The following UNC5D variants were observed in gnomAD, a reference collection of about 807,000 sequenced individuals.
UNC5D encodes the protein netrin receptor UNC5D.
A neutral mutation model predicts 105.4 loss-of-function variants in UNC5D; 39 were observed. The observed-to-expected ratio is 0.37, with a 90% CI of 0.29 to 0.48. The LOEUF (loss-of-function observed/expected upper bound fraction) is 0.48, where lower values mean the gene tolerates loss of function less well. UNC5D is among the 20% of genes least tolerant of loss of function. The pLI is 0.98. For synonymous variants in UNC5D, 452 were observed against 450.4 expected (o/e 1.00, Z -0.04); for missense variants, 991 against 1,202.4 (o/e 0.82, Z 2.60).
chr8:35,653,518 A>G (rs1823551882), intron 4 of UNC5D, among the ~76,000 whole-genome samples: 1 of 152,126 alleles, frequency 6.6e-6, no homozygotes, highest in Non-Finnish European at 1.5e-5. Context: ...GGATCACCAT[A>G]CTGTGTCAGA....
At chr8:35,463,618 C>CA (rs1189276180) in intron 1 of UNC5D, among the ~76,000 whole-genome samples, 4,227 of 109,754 alleles carry the variant, frequency 0.039, 86 homozygotes, top group Non-Finnish European at 0.056. Flanking sequence ...CTATCTCTAT[C>CA]AAAAAAAAAA....
At chr8:35,311,706 A>G (rs550132165) in intron 1 of UNC5D, among the ~76,000 whole-genome samples, 3 of 152,272 alleles carry the variant, frequency 2.0e-5, no homozygotes, top group Admixed American at 2.0e-4. Flanking sequence ...ACTAAATCAC[A>G]TCCTCAGCAG....
intron 2 of UNC5D, among the ~76,000 whole-genome samples, chr8:35,550,215 TA>T (rs1195147554): frequency 6.6e-6 from 1 of 152,172 alleles, no homozygotes; most frequent in Non-Finnish European, 1.5e-5. Flanking sequence ...TCCCCTGCAG[TA>T]GATAATGCTA....
intron 7 of UNC5D, among the ~76,000 whole-genome samples, chr8:35,692,822 G>A (rs1411282860): frequency 6.6e-6 from 1 of 152,196 alleles, no homozygotes; most frequent in Non-Finnish European, 1.5e-5. Flanking sequence ...TTAATTTATA[G>A]GACATAGTAG....
At chr8:35,509,840 T>C (rs559668103) in intron 1 of UNC5D, among the ~76,000 whole-genome samples, 1 of 152,166 alleles carries the variant, frequency 6.6e-6, no homozygotes, top group Admixed American at 6.5e-5. Flanking sequence ...CCTGACTATA[T>C]CCTGGGGTTC....
intron 3 of UNC5D, among the ~76,000 whole-genome samples, chr8:35,592,836 C>T (rs1196033225): frequency 6.6e-6 from 1 of 152,036 alleles, no homozygotes; most frequent in East Asian, 1.9e-4. Flanking sequence ...TGCCTTTAAT[C>T]TTTGTTCTTT....
intron 1 of UNC5D, among the ~76,000 whole-genome samples, chr8:35,490,754 G>A (rs904448773): frequency 3.9e-5 from 6 of 152,100 alleles, no homozygotes; most frequent in African/African-American, 1.4e-4. Context: ...CAAGCCTCTG[G>A]AAGAGCCAGT....
intron 1 of UNC5D, among the ~76,000 whole-genome samples, chr8:35,365,400 C>T (rs140088553): frequency 6.6e-6 from 1 of 151,836 alleles, no homozygotes; most frequent in East Asian, 1.9e-4. Flanking sequence ...TCTCTGTGAA[C>T]TAATATAGCA....
At chr8:35,592,456 CA>C (rs1819231273) in intron 3 of UNC5D, among the ~76,000 whole-genome samples, 1 of 152,072 alleles carries the variant, frequency 6.6e-6, no homozygotes, top group Admixed American at 6.6e-5. Flanking sequence ...GCTTGGAGCT[CA>C]TATAGGTGAT....
intron 1 of UNC5D, among the ~76,000 whole-genome samples, chr8:35,473,495 C>T (rs1329379978): frequency 6.6e-6 from 1 of 152,096 alleles, no homozygotes; most frequent in Non-Finnish European, 1.5e-5. Context: ...AATTGACACC[C>T]ATTATTAAAA....
At chr8:35,351,023 A>G (rs1188646673) in intron 1 of UNC5D, among the ~76,000 whole-genome samples, 1 of 152,228 alleles carries the variant, frequency 6.6e-6, no homozygotes, top group Non-Finnish European at 1.5e-5. Flanking sequence ...TCTAGTGAGA[A>G]TATTTCTTTC....
At chr8:35,707,356 T>C (rs866671455) in intron 8 of UNC5D, among the ~76,000 whole-genome samples, 7 of 152,218 alleles carry the variant, frequency 4.6e-5, no homozygotes, top group African/African-American at 7.2e-5. Context: ...CCCTGCTGTC[T>C]GCTGCCCATT....
At chr8:35,359,825 T>C (rs778879520) in intron 1 of UNC5D, among the ~76,000 whole-genome samples, 1 of 152,176 alleles carries the variant, frequency 6.6e-6, no homozygotes, top group Non-Finnish European at 1.5e-5. Flanking sequence ...AGCCTGGAAG[T>C]TGGGCTTGAT....
At chr8:35,718,062 A>T (rs1828354220) in intron 8 of UNC5D, among the ~76,000 whole-genome samples, 1 of 150,940 alleles carries the variant, frequency 6.6e-6, no homozygotes, top group Admixed American at 6.6e-5. Flanking sequence ...GAGATTTCAC[A>T]GTCAGTGCTC....
intron 4 of UNC5D, among the ~76,000 whole-genome samples, chr8:35,677,306 A>G (rs1825307650): frequency 6.6e-6 from 1 of 152,172 alleles, no homozygotes; most frequent in Non-Finnish European, 1.5e-5. Context: ...TTTTTAAGAA[A>G]AATGAGTGTG....
At chr8:35,386,670 A>G (rs1202856004) in intron 1 of UNC5D, among the ~76,000 whole-genome samples, 1 of 152,218 alleles carries the variant, frequency 6.6e-6, no homozygotes, top group Non-Finnish European at 1.5e-5. Flanking sequence ...AGTAAAGAAA[A>G]TATAAATGAA....
chr8:35,471,083 TTCC>T, intron 1 of UNC5D, among the ~76,000 whole-genome samples: 1 of 152,018 alleles, frequency 6.6e-6, no homozygotes. Flanking sequence ...CCGGGGCCAG[TTCC>T]TCCATCACTG....
intron 1 of UNC5D, among the ~76,000 whole-genome samples, chr8:35,316,437 T>G (rs1490051855): frequency 6.6e-6 from 1 of 152,180 alleles, no homozygotes; most frequent in Non-Finnish European, 1.5e-5. Flanking sequence ...TCATTCTGTC[T>G]CTATGAGCTA....
chr8:35,570,257 G>C (rs2130794347), intron 3 of UNC5D, among the ~76,000 whole-genome samples: 1 of 152,298 alleles, frequency 6.6e-6, no homozygotes, highest in Middle Eastern at 3.4e-3. Flanking sequence ...GTCGCATGGG[G>C]AGGAACCCAG....
Sources: gnomAD v4.1 joint callset for allele counts (sites outside exome capture counted in the v4.1 genomes callset) on GRCh38, gnomAD v4.1.1 for gene constraint, MANE v1.5 for transcripts, NCBI Gene and HGNC (gene_info 2026-07-23, HGNC 2026-07-21) for gene names.